ADGB: variants seen among roughly 807,000 people sequenced by gnomAD.
ADGB encodes androglobin, also known as calpain-7-like protein.
ADGB carries 172 observed loss-of-function variants against 210.5 expected under a neutral mutation model. The observed-to-expected ratio is 0.82, with a 90% CI of 0.72 to 0.93. ADGB has a LOEUF of 0.93. Ranked by LOEUF, ADGB falls within the 40% of genes least tolerant of loss-of-function variation. ADGB has a pLI of 0.00. For synonymous variants in ADGB, 658 were observed against 662.7 expected (o/e 0.99, Z 0.11); for missense variants, 2,025 against 1,964.8 (o/e 1.03, Z -0.58).
At chr6:146,808,978 T>C (rs1428655959) in intron 35 of ADGB, among the ~76,000 whole-genome samples, 3 of 151,754 alleles carry the variant, frequency 2.0e-5, no homozygotes, top group African/African-American at 4.9e-5. Context: ...CCTCGAGCTG[T>C]GGGAGCCCAC....
At chr6:146,627,358 A>G (rs1051068462) in intron 1 of ADGB, among the ~76,000 whole-genome samples, 2 of 151,864 alleles carry the variant, frequency 1.3e-5, no homozygotes, top group Non-Finnish European at 2.9e-5. Context: ...TTATGATTTT[A>G]CCTTACTGGA....
intron 16 of ADGB, among the ~76,000 whole-genome samples, chr6:146,720,455 G>A (rs1273651298): frequency 1.3e-5 from 2 of 152,096 alleles, no homozygotes; most frequent in East Asian, 3.9e-4. Context: ...ATCCTTTAAG[G>A]AGAGTTTTGA....
intron 20 of ADGB, among the ~76,000 whole-genome samples, chr6:146,732,070 AATC>A (rs1776996327): frequency 6.6e-6 from 1 of 152,178 alleles, no homozygotes; most frequent in African/African-American, 2.4e-5. Flanking sequence ...GTGTCATTGC[AATC>A]TACCAGGAAT....
intron 27 of ADGB, among the ~76,000 whole-genome samples, chr6:146,762,324 A>AT (rs1777504462): frequency 6.6e-6 from 1 of 152,062 alleles, no homozygotes; most frequent in Admixed American, 6.6e-5. Flanking sequence ...CTATCCAGAT[A>AT]TTTTTTATTT....
chr6:146,735,169 GT>G (rs1329905552), intron 22 of ADGB, among the ~76,000 whole-genome samples: 1 of 152,064 alleles, frequency 6.6e-6, no homozygotes, highest in African/African-American at 2.4e-5. Flanking sequence ...AATTCAATGG[GT>G]TTTTTCCTCA....
intron 33 of ADGB, among the ~76,000 whole-genome samples, chr6:146,794,145 T>G (rs1778000190): frequency 1.3e-5 from 2 of 152,160 alleles, no homozygotes; most frequent in African/African-American, 4.8e-5. Context: ...GGGGTAATGT[T>G]AATGTTGGCG....
chr6:146,620,250 T>G (rs1780868769), intron 1 of ADGB, among the ~76,000 whole-genome samples: 1 of 152,156 alleles, frequency 6.6e-6, no homozygotes, highest in Non-Finnish European at 1.5e-5. Context: ...CCTTGGGGAA[T>G]CCCTCTTCGG....
intron 3 of ADGB, among the ~76,000 whole-genome samples, chr6:146,645,436 T>A (rs918307026): frequency 9.2e-5 from 14 of 152,084 alleles, no homozygotes; most frequent in African/African-American, 3.4e-4. Context: ...GACACCCTAG[T>A]CTATCCTCAT....
chr6:146,653,726 C>A (rs995979730), intron 3 of ADGB, among the ~76,000 whole-genome samples: 2 of 152,012 alleles, frequency 1.3e-5, no homozygotes, highest in Non-Finnish European at 2.9e-5. Context: ...CACACATGTA[C>A]CCCAAACTTA....
intron 35 of ADGB, among the ~76,000 whole-genome samples, chr6:146,804,442 A>C (rs1010369746): frequency 8.5e-5 from 13 of 152,048 alleles, no homozygotes; most frequent in Admixed American, 2.6e-4. Flanking sequence ...ATCCAAATTC[A>C]AGAATGCTTG....
chr6:146,735,528 A>T (rs2114590716), intron 22 of ADGB, among the ~76,000 whole-genome samples: 1 of 152,348 alleles, frequency 6.6e-6, no homozygotes. Context: ...AGCCCTCATG[A>T]GCTAATCACC....
Position 146,784,671 on chromosome 6 carries a change from G to T in ADGB, c.4089G>T (p.Leu1363Phe), listed in dbSNP as rs1335857317. The change falls in exon 31 of 36, where the codon TTG (leucine) becomes TTT (phenylalanine). Residue 1363 changes from leucine to phenylalanine, a missense_variant. Physicochemically the swap from Leu to Phe is conservative, Grantham distance 22. Transcript: ENST00000397944. ...ACCCAAATAAACCCTACTGGATTTT[G>T]AGGTTGGTCACTGAACACAATGAAT... ...QEDPNKPYWI[L>F]RLVTEHNESE... is the part of the protein sequence containing the mutation. 1.9e-6 allele frequency: 3 copies of T among 1,551,382 alleles called. No homozygotes were observed. Among genetic ancestry groups the T allele is most frequent in the Middle Eastern group, 1.7e-4 (1 of 5,996 alleles).
At chr6:146,611,355 G>A (rs1258905365) in intron 1 of ADGB, among the ~76,000 whole-genome samples, 1 of 152,084 alleles carries the variant, frequency 6.6e-6, no homozygotes, top group South Asian at 2.1e-4. Context: ...ACCACCTAGA[G>A]GAGCATGGGA....
At chr6:146,746,139 AT>A (rs1488580414) in intron 26 of ADGB, 30 bp downstream of exon 26, 1 of 1,403,040 alleles carries the variant, frequency 7.1e-7, no homozygotes. Context: ...GGGGAAAGGC[AT>A]TTTTTAAAAA....
At position 146,638,482 on chromosome 6, in the gene ADGB, T is replaced by C. The variant is rs111398223; in HGVS notation, c.237+2945T>C. On this transcript the variant is annotated intron_variant, in intron 2 of 35. Transcript: ENST00000397944. ...ACATGGATGAAGCTGGAAACCATCA[T>C]TCTCAGCAAACTATCGCAAGGACAA... is the stretch of plus-strand genomic sequence containing the variant. Among the ~76,000 whole-genome samples, 952 of 151,480 alleles carry C rather than the reference T, an allele frequency of 6.3e-3. 5 individuals are homozygous for C. The highest frequency in any genetic ancestry group is 0.022 in the African/African-American group (897 of 41,300).
At chr6:146,715,085 C>T (rs561105515) in intron 13 of ADGB, among the ~76,000 whole-genome samples, 13 of 152,198 alleles carry the variant, frequency 8.5e-5, no homozygotes, top group Admixed American at 3.3e-4. Flanking sequence ...AATATGTCTA[C>T]TTAGGGATAT....
chr6:146,672,170 G>GAA (rs370253232), intron 7 of ADGB, 50 bp from the exon 8 acceptor site: 275 of 1,114,210 alleles, frequency 2.5e-4, no homozygotes, highest in African/African-American at 1.8e-3. Context: ...GAAGTTCAAG[G>GAA]AAAAAAAAAA....
intron 1 of ADGB, among the ~76,000 whole-genome samples, chr6:146,612,315 T>A (rs182281980): frequency 6.6e-6 from 1 of 152,330 alleles, no homozygotes. Context: ...CATGTTCAAG[T>A]GGACAAATAT....
chr6:146,815,143 G>T lies in ADGB; in HGVS notation c.4930G>T (p.Ala1644Ser). 6 of 1,545,942 alleles carry T rather than the reference G, an allele frequency of 3.9e-6. No homozygotes were observed. The highest frequency in any genetic ancestry group is 4.4e-6 in the Non-Finnish European group (5 of 1,145,774). Residue 1644 changes from alanine to serine, a missense_variant, in exon 36 of 36, where the codon GCC becomes TCC. Transcript: ENST00000397944. ...GGAAACTCTGGCTGCTCAGGAAGCAGCCATGAAGCTGGAGACAGAAAAGAT... is the reference window on the plus strand; with the variant it reads ...GGAAACTCTGGCTGCTCAGGAAGCATCCATGAAGCTGGAGACAGAAAAGAT... ...KLETLAAQEA[A>S]MKLETEKMTP...
Sources: allele counts gnomAD v4.1 joint callset (sites outside exome capture counted in the v4.1 genomes callset), GRCh38; gene constraint gnomAD v4.1.1; transcripts MANE v1.5; gene names NCBI Gene and HGNC (gene_info 2026-07-23, HGNC 2026-07-21).